The following GINM1 variants were observed in gnomAD, a reference collection of about 807,000 sequenced individuals.
The protein encoded by GINM1 is glycosylated integral membrane protein 1.
GINM1 carries 29 observed loss-of-function variants against 37.8 expected under a neutral mutation model. The ratio of observed to expected loss-of-function variants is 0.77; its 90% CI spans 0.57 to 1.05. GINM1 has a LOEUF of 1.05. Ranked by LOEUF, GINM1 falls within the 50% of genes least tolerant of loss-of-function variation. The pLI is 0.00. For missense variants in GINM1, 377 were observed against 397.9 expected, an observed-to-expected ratio of 0.95 and a Z score of 0.45; for synonymous variants, 143 against 146.2, an observed-to-expected ratio of 0.98 and a Z score of 0.16.
At chr6:149,579,111 A>G (rs1777960004) in intron 4 of GINM1, 138 bp downstream of exon 4, 1 of 464,356 alleles carries the variant, frequency 2.2e-6, no homozygotes, top group South Asian at 6.2e-5. Flanking sequence ...AATTATTTAG[A>G]ATTTTTGTAT....
rs1208550252 is a variant in GINM1 at position 149,579,937 on chromosome 6, C to CT, written c.534dup (p.Ile179TyrfsTer6). ...CCTTTGGAAGAAAGCATGCTCTACT[C>CT]TATTTCTCGAGACAGTGACATTTTA... is the stretch of plus-strand genomic sequence containing the variant. On this transcript the variant is annotated frameshift_variant, in exon 5 of 8. Transcript: ENST00000367419. LOFTEE classifies it high-confidence loss of function. The CT allele has an allele frequency of 3.1e-6, 5 of 1,610,692 alleles. No individual in the cohort carries two copies. In the South Asian group the frequency reaches 5.5e-5, roughly 18 times the overall value.
intron 7 of GINM1, among the ~76,000 whole-genome samples, chr6:149,586,704 T>C (rs1778076477): frequency 1.3e-5 from 2 of 152,200 alleles, no homozygotes; most frequent in African/African-American, 4.8e-5. Context: ...TTCTTATCAC[T>C]ACATATATTC....
rs780762274 is a variant in GINM1, at chr6:149,572,404, A to AT, written c.180+66dup. ...AGCTAAGTGCTATGCAGCTTATTTG[A>AT]TTTTTTAACTTGCACGTCTCATTTA... On this transcript the variant is annotated intron_variant, in intron 2 of 7. Transcript: ENST00000367419. 158 of 1,338,204 alleles carry AT rather than the reference A, an allele frequency of 1.2e-4. 1 individual carries two copies. The highest frequency in any genetic ancestry group is 2.3e-4 in the East Asian group (10 of 43,220). 82.9% of individuals were successfully genotyped at this position (1,338,204 alleles called of 1,614,324 possible). A position where few individuals can be genotyped will look rare whatever the true frequency, so the allele number is the denominator to read the frequency against.
chr6:149,567,120 C>T (rs1777733262), intron 1 of GINM1, among the ~76,000 whole-genome samples: 1 of 152,234 alleles, frequency 6.6e-6, no homozygotes, highest in East Asian at 1.9e-4. Context: ...GTGTCCGCAT[C>T]CCCTGGGGAC....
intron 1 of GINM1, among the ~76,000 whole-genome samples, chr6:149,567,534 G>C (rs1777740372): frequency 6.6e-6 from 1 of 152,116 alleles, no homozygotes; most frequent in Admixed American, 6.5e-5. Flanking sequence ...CCAGCTACTC[G>C]GGAGGCGGAG....
Position 149,579,985 on chromosome 6 carries a change from A to T in GINM1, c.581A>T (p.Lys194Ile). The change falls in exon 5 of 8, where the codon AAA becomes ATA. Residue 194 changes from lysine (K) to isoleucine (I), a missense_variant. Coordinates refer to ENST00000367419, the MANE Select transcript of GINM1 (RefSeq NM_138785.5). Reference sequence around the variant, plus strand: ...TTATTTACCCTTCCTAACCTCTCCAAAAAAGGTAACTTAAAAGACCATTAT... The same window carrying T: ...TTATTTACCCTTCCTAACCTCTCCATAAAAGGTAACTTAAAAGACCATTAT... ...DILFTLPNLSKKESVSSLQTT... is the reference protein window; with the variant it reads ...DILFTLPNLSIKESVSSLQTT... 12 of 1,573,874 alleles carry T rather than the reference A, an allele frequency of 7.6e-6. No individual in the cohort carries two copies. Among genetic ancestry groups the T allele is most frequent in the Non-Finnish European group, 9.5e-6 (11 of 1,159,934 alleles).
chr6:149,571,773 T>C (rs1777825594), intron 1 of GINM1, among the ~76,000 whole-genome samples: 1 of 151,914 alleles, frequency 6.6e-6, no homozygotes, highest in Admixed American at 6.6e-5. Context: ...CACAAGTAAA[T>C]AGAAAAAGTA....
intron 7 of GINM1, among the ~76,000 whole-genome samples, chr6:149,586,339 A>AT (rs1378869366): frequency 6.6e-6 from 1 of 152,180 alleles, no homozygotes; most frequent in Non-Finnish European, 1.5e-5. Context: ...CAGGGAATGA[A>AT]TAATGAGAAC....
intron 4 of GINM1, among the ~76,000 whole-genome samples, chr6:149,579,478 G>A (rs1266950745): frequency 6.6e-6 from 1 of 151,898 alleles, no homozygotes; most frequent in African/African-American, 2.4e-5. Context: ...ATCACCTGAG[G>A]TCAGGAGTTC....
intron 7 of GINM1, among the ~76,000 whole-genome samples, chr6:149,583,064 C>T (rs1015807535): frequency 6.6e-5 from 10 of 152,110 alleles, no homozygotes; most frequent in African/African-American, 2.2e-4. Flanking sequence ...CACGGTGGCT[C>T]ATGGCTGTAA....
chr6:149,575,750 C>T (rs1421035433), intron 3 of GINM1, among the ~76,000 whole-genome samples: 1 of 152,142 alleles, frequency 6.6e-6, no homozygotes, highest in Non-Finnish European at 1.5e-5. Flanking sequence ...TCCATGGTAG[C>T]TAAGAAAGGA....
At chr6:149,581,564 G>A (rs535645055) in intron 6 of GINM1, among the ~76,000 whole-genome samples, 1 of 152,190 alleles carries the variant, frequency 6.6e-6, no homozygotes. Context: ...CTGAATAGCA[G>A]TGTAAAGTAG....
At position 149,571,004 on chromosome 6, in the gene GINM1, A is replaced by G. The variant is rs368578813; in HGVS notation, c.121-1281A>G. Among the ~76,000 whole-genome samples the G allele has an allele frequency of 5.3e-5, 8 of 152,184 alleles. No homozygotes were observed. In the East Asian group the frequency reaches 9.6e-4, roughly 18 times the overall value. ...AGCATTACAGATGCTTGTATAAGAAACACACTCAAGAAAGGGTCAGTGCAA... is the reference window on the plus strand; with the variant it reads ...AGCATTACAGATGCTTGTATAAGAAGCACACTCAAGAAAGGGTCAGTGCAA... On this transcript the variant is annotated intron_variant, in intron 1 of 7. Transcript: ENST00000367419.
chr6:149,566,496 GGCGCCCCC>G lies in GINM1; in HGVS notation c.84_91del (p.Pro30AlafsTer14), dbSNP rs1562268779. On this transcript the variant is annotated frameshift_variant, in exon 1 of 8. Coordinates refer to ENST00000367419, the MANE Select transcript of GINM1 (RefSeq NM_138785.5). LOFTEE classifies it high-confidence loss of function. This position sits in a 1 kb window ranked among gnomAD's most constrained non-coding sequence, Gnocchi z 4.4. ...ACCCGCCTCCGGCTGGCTGACGACGGGCGCCCCCGAGCCGCCGCCGCTGTCCGGAGCCC... is the reference window on the plus strand; with the variant it reads ...ACCCGCCTCCGGCTGGCTGACGACGGGAGCCGCCGCCGCTGTCCGGAGCCC... 1.9e-6 allele frequency: 3 copies of G among 1,540,232 alleles called. No individual in the cohort carries two copies. The highest frequency in any genetic ancestry group is 2.6e-6 in the Non-Finnish European group (3 of 1,153,520).
At chr6:149,586,295 G>T (rs559124441) in intron 7 of GINM1, among the ~76,000 whole-genome samples, 2 of 152,112 alleles carry the variant, frequency 1.3e-5, no homozygotes, top group Admixed American at 6.5e-5. Flanking sequence ...GGAACAGCAG[G>T]GGGGTGTCAG....
rs775212681 is a variant in GINM1 at position 149,579,913 on chromosome 6, C to G, written c.509C>G (p.Pro170Arg). The G allele has an allele frequency of 8.7e-6, 14 of 1,609,056 alleles. No individual in the cohort carries two copies. The Admixed American group carries it at 1.0e-4, about 12-fold the overall frequency. ...GVLRHSNYTL[P>R]LEESMLYSIS... ...CTCAGACATTCAAACTATACCCTCCCTTTGGAAGAAAGCATGCTCTACTCT... is the reference window on the plus strand; with the variant it reads ...CTCAGACATTCAAACTATACCCTCCGTTTGGAAGAAAGCATGCTCTACTCT... Residue 170 changes from proline to arginine, a missense_variant, in exon 5 of 8, where the codon CCT (proline) becomes CGT (arginine). By Grantham distance (103) the Pro-to-Arg change is moderately radical. Coordinates refer to ENST00000367419, the MANE Select transcript of GINM1 (RefSeq NM_138785.5).
chr6:149,578,545 A>G (rs1562271859), intron 3 of GINM1, among the ~76,000 whole-genome samples: 1 of 151,788 alleles, frequency 6.6e-6, no homozygotes, highest in African/African-American at 2.4e-5. Flanking sequence ...AAAAAAAAAA[A>G]AAGAATAGGA....
intron 3 of GINM1, among the ~76,000 whole-genome samples, chr6:149,578,525 C>CAAAAA (rs145601764): frequency 2.1e-3 from 151 of 70,868 alleles, no homozygotes; most frequent in Non-Finnish European, 3.0e-3. Flanking sequence ...GACTCCATCT[C>CAAAAA]AAAAAAAAAA....
At chr6:149,576,084 T>C (rs1777910045) in intron 3 of GINM1, 1 of 152,216 alleles carries the variant, frequency 6.6e-6, no homozygotes, top group African/African-American at 2.4e-5. Context: ...TTTCATAGTT[T>C]CTGTAGGTCG....
Sources: gnomAD v4.1 joint callset for allele counts (sites outside exome capture counted in the v4.1 genomes callset) on GRCh38, gnomAD v4.1.1 for gene constraint, Gnocchi (gnomAD v3.1) non-coding constraint, MANE v1.5 for transcripts, NCBI Gene and HGNC (gene_info 2026-07-23, HGNC 2026-07-21) for gene names.